UBAC1: variants seen among roughly 807,000 people sequenced by gnomAD.
The protein encoded by UBAC1 is UBA domain containing 1, also known as ubiquitin-associated domain-containing protein 1.
A neutral mutation model predicts 45.9 loss-of-function variants in UBAC1; 27 were observed. The ratio of observed to expected loss-of-function variants is 0.59; its 90% confidence interval spans 0.43 to 0.81. UBAC1 has a LOEUF of 0.81. Ranked by LOEUF, UBAC1 falls within the 30% of genes least tolerant of loss-of-function variation. The probability of loss-of-function intolerance (pLI) is 0.00; values close to 1 mark genes in which losing one functional copy is unlikely to be tolerated. For synonymous variants in UBAC1, 227 were observed against 215.5 expected, an observed-to-expected ratio of 1.05 and a Z score of -0.47; for missense variants, 529 against 539.2, an observed-to-expected ratio of 0.98 and a Z score of 0.19.
chr9:135,952,484 C>T (rs940400730), intron 3 of UBAC1, among the ~76,000 whole-genome samples: 1 of 152,258 alleles, frequency 6.6e-6, no homozygotes, highest in African/African-American at 2.4e-5. Flanking sequence ...ACGCATCTTC[C>T]TCTGCTCAGT....
chr9:135,935,950 C>T (rs967599417), intron 9 of UBAC1, among the ~76,000 whole-genome samples: 7 of 150,664 alleles, frequency 4.6e-5, no homozygotes, highest in African/African-American at 9.8e-5. Flanking sequence ...GGCGTGAACC[C>T]GGTAGGCGGA....
intron 9 of UBAC1, among the ~76,000 whole-genome samples, chr9:135,935,772 A>C (rs1451053450): frequency 6.6e-6 from 1 of 152,204 alleles, no homozygotes; most frequent in Non-Finnish European, 1.5e-5. Flanking sequence ...CAAGCCTGTA[A>C]TCCCAGCACT....
At chr9:135,939,330 T>C (rs561029028) in intron 8 of UBAC1, among the ~76,000 whole-genome samples, 1 of 152,304 alleles carries the variant, frequency 6.6e-6, no homozygotes, top group East Asian at 1.9e-4. Flanking sequence ...ATCTATCCAA[T>C]TGTCTCACTT....
At position 135,955,485 on chromosome 9, in the gene UBAC1, T is replaced by A. The variant is rs529423046; in HGVS notation, c.139-70A>T. Reference sequence around the variant, plus strand: ...AATTCTAATAATATAGGACCTGGCATCCCAAGCTACACCAGGAATTTACTG... The same window carrying A: ...AATTCTAATAATATAGGACCTGGCAACCCAAGCTACACCAGGAATTTACTG... On this transcript the variant is annotated intron_variant, in intron 1 of 9. Coordinates refer to ENST00000371756, the MANE Select transcript of UBAC1 (RefSeq NM_016172.3). 2.5e-4 allele frequency: 348 copies of A among 1,399,530 alleles called. 2 individuals are homozygous for A. Among genetic ancestry groups the A allele is most frequent in the Non-Finnish European group, 2.3e-5 (24 of 1,062,150 alleles). The allele number at this position is 1,399,530 out of a possible 1,614,324, so 86.7% of individuals were successfully genotyped here.
chr9:135,940,088 A>T (rs1175209854), intron 7 of UBAC1, among the ~76,000 whole-genome samples: 1 of 152,010 alleles, frequency 6.6e-6, no homozygotes, highest in Non-Finnish European at 1.5e-5. Flanking sequence ...CCAACTTCAG[A>T]CCCTTTCAGG....
Position 135,954,939 on chromosome 9 carries a change from G to A in UBAC1, c.259+356C>T, listed in dbSNP as rs141643021. Among the ~76,000 whole-genome samples, 577 of 152,286 alleles carry A rather than the reference G, an allele frequency of 3.8e-3. 4 individuals carry two copies. Among genetic ancestry groups the A allele is most frequent in the African/African-American group, 0.013 (551 of 41,554 alleles). ...ACACAAAACCATAAGCAATTACATG[G>A]ATGTGTGTGTCTAACACTGCACTGG... is the stretch of plus-strand genomic sequence containing the variant. On this transcript the variant is annotated intron_variant, in intron 2 of 9. Transcript: ENST00000371756.
chr9:135,938,891 G>A (rs528098597), intron 8 of UBAC1, among the ~76,000 whole-genome samples: 118 of 152,332 alleles, frequency 7.7e-4, no homozygotes, highest in African/African-American at 2.7e-3. Context: ...GGCACAGGAC[G>A]GGAATCATTC....
chr9:135,955,272 C>T, intron 2 of UBAC1, 23 bp downstream of exon 2: 1 of 1,530,380 alleles, frequency 6.5e-7, no homozygotes. Flanking sequence ...TGCTGCCAAC[C>T]CGCCCGCCCA....
intron 7 of UBAC1, among the ~76,000 whole-genome samples, chr9:135,941,865 T>C (rs1350057693): frequency 1.3e-5 from 2 of 152,222 alleles, no homozygotes; most frequent in Non-Finnish European, 2.9e-5. Flanking sequence ...TCTCCAATCC[T>C]TTCTCAGTAA....
Position 135,939,764 on chromosome 9 carries a change from A to G in UBAC1, c.877-5T>C. 1 of 1,611,998 alleles carries G rather than the reference A, an allele frequency of 6.2e-7. No homozygotes were observed. The highest frequency in any genetic ancestry group is 1.1e-5 in the South Asian group (1 of 90,870). On this transcript the variant is annotated splice_polypyrimidine_tract_variant and splice_region_variant and intron_variant, in intron 7 of 9. Transcript: ENST00000371756. ...CTCCATCAGGGAAATGACGGCCTAG[A>G]GGACAGCACAGCCGTTAGCTCGCTG...
At chr9:135,956,174 C>G (rs1011328651) in intron 1 of UBAC1, among the ~76,000 whole-genome samples, 1 of 152,198 alleles carries the variant, frequency 6.6e-6, no homozygotes, top group African/African-American at 2.4e-5. Flanking sequence ...GAGCAGCGCT[C>G]ACGGGGGACC....
chr9:135,955,311 C>G lies in UBAC1; in HGVS notation c.243G>C (p.Glu81Asp). The G allele has an allele frequency of 6.3e-7, 1 of 1,590,024 alleles. No homozygotes were observed. The highest frequency in any genetic ancestry group is 8.5e-7 in the Non-Finnish European group (1 of 1,171,658). ...VLSDARTILE[E>D]NIQDQDVLLL... is the part of the protein sequence containing the mutation. ...CAGCCTTACCTTGGTCCTGGATGTT[C>G]TCTTCCAGGATGGTCCTGGCATCAC... Residue 81 changes from glutamate (E) to aspartate (D), a missense_variant, in exon 2 of 10, where the codon GAG becomes GAC. Coordinates refer to ENST00000371756, the MANE Select transcript of UBAC1 (RefSeq NM_016172.3).
chr9:135,945,007 G>T (rs373683287), intron 7 of UBAC1, 21 bp downstream of exon 7: 2 of 1,597,912 alleles, frequency 1.3e-6, no homozygotes, highest in East Asian at 2.3e-5. Flanking sequence ...TCTGCCTGGC[G>T]ACAGGTCTAG....
chr9:135,952,567 G>GC (rs1839418842), intron 3 of UBAC1, among the ~76,000 whole-genome samples: 3 of 152,370 alleles, frequency 2.0e-5, no homozygotes, highest in African/African-American at 7.2e-5. Context: ...AGGTACACGT[G>GC]CAAGTGGACG....
intron 9 of UBAC1, among the ~76,000 whole-genome samples, chr9:135,935,887 A>C (rs1406241756): frequency 6.6e-6 from 1 of 152,022 alleles, no homozygotes; most frequent in East Asian, 1.9e-4. Context: ...TTAGCCGGGC[A>C]CGGTGGCGGG....
intron 3 of UBAC1, among the ~76,000 whole-genome samples, chr9:135,952,529 G>A (rs1801041753): frequency 6.6e-6 from 1 of 152,246 alleles, no homozygotes; most frequent in Non-Finnish European, 1.5e-5. Flanking sequence ...AGGGCAGCCA[G>A]TAAACAACAC....
intron 3 of UBAC1, 32 bp downstream of exon 3, chr9:135,953,648 C>T: frequency 1.3e-6 from 2 of 1,595,816 alleles, no homozygotes; most frequent in South Asian, 2.2e-5. Context: ...TTCTACCAAC[C>T]AAGGTCCCCA....
chr9:135,939,686 T>A lies in UBAC1; in HGVS notation c.950A>T (p.Gln317Leu). The A allele has an allele frequency of 3.7e-6, 6 of 1,613,724 alleles. No individual in the cohort carries two copies. The highest frequency in any genetic ancestry group is 5.1e-6 in the Non-Finnish European group (6 of 1,179,754). The stretch of plus-strand genomic sequence containing the variant: ...CCCAACACTCACCGCGGCATTCTGC[T>A]GGTTGTTGTTCACTCTGAGGGCATC... ...VIDALRVNNNQQNAACEWLLG... is the reference protein window; with the variant it reads ...VIDALRVNNNLQNAACEWLLG... Residue 317 changes from glutamine (Q) to leucine (L), a missense_variant, in exon 8 of 10, where the codon CAG becomes CTG. By Grantham distance (113) the Gln-to-Leu change is moderately radical. Transcript: ENST00000371756.
chr9:135,945,556 C>T (rs764779714), intron 6 of UBAC1: 41 of 499,588 alleles, frequency 8.2e-5, no homozygotes, highest in Admixed American at 1.4e-4. Flanking sequence ...CCCTGGATCT[C>T]GGATTATTCA....
Sources: gnomAD v4.1 joint callset for allele counts (sites outside exome capture counted in the v4.1 genomes callset) on GRCh38, gnomAD v4.1.1 for gene constraint, MANE v1.5 for transcripts, NCBI Gene and HGNC (gene_info 2026-07-23, HGNC 2026-07-21) for gene names.